Variants in SHROOM3 observed in about 807,000 individuals in gnomAD.
SHROOM3 encodes shroom family member 3, also known as protein Shroom3.
A neutral mutation model predicts 138.6 loss-of-function variants in SHROOM3; 47 were observed. That is an observed-to-expected ratio of 0.34 (90% CI 0.27 to 0.43). SHROOM3 has a LOEUF of 0.43. SHROOM3 is among the 20% of genes least tolerant of loss of function. The probability of loss-of-function intolerance (pLI) is 1.00; values close to 1 mark genes in which losing one functional copy is unlikely to be tolerated. For synonymous variants in SHROOM3, 1,062 were observed against 1,063.3 expected (o/e 1.00, Z 0.02); for missense variants, 2,491 against 2,596.5 (o/e 0.96, Z 0.88).
rs191447614 is a variant in SHROOM3, at chr4:76,743,215, A to C, written c.3753+1289A>C. 1.7e-3 allele frequency among the ~76,000 whole-genome samples: 259 copies of C among 152,354 alleles called. 2 individuals are homozygous for C. Among genetic ancestry groups the C allele is most frequent in the Non-Finnish European group, 2.0e-3 (135 of 68,034 alleles). On this transcript the variant is annotated intron_variant, in intron 5 of 10. Coordinates refer to ENST00000296043, the MANE Select transcript of SHROOM3 (RefSeq NM_020859.4). ...GGGGATGCATTGATGGGAAGAAACC[A>C]GTTCAGACAAAGAAAGATTCAGCAG... is the stretch of plus-strand genomic sequence containing the variant.
At chr4:76,687,684 T>C (rs187060283) in intron 2 of SHROOM3, among the ~76,000 whole-genome samples, 29 of 152,336 alleles carry the variant, frequency 1.9e-4, no homozygotes, top group African/African-American at 6.3e-4. Flanking sequence ...AAGTTAAAAG[T>C]GTTTTTCCAG....
intron 2 of SHROOM3, among the ~76,000 whole-genome samples, chr4:76,680,654 C>T (rs962019725): frequency 6.6e-6 from 1 of 152,144 alleles, no homozygotes; most frequent in South Asian, 2.1e-4. Context: ...ATCCTAAGTG[C>T]TTCATATAAA....
chr4:76,449,534 G>A (rs1298563511), intron 1 of SHROOM3, among the ~76,000 whole-genome samples: 2 of 152,134 alleles, frequency 1.3e-5, no homozygotes, highest in Non-Finnish European at 2.9e-5. Context: ...CACACAAGAA[G>A]CTTCTTTTCT....
chr4:76,740,201 C>T lies in SHROOM3; in HGVS notation c.2028C>T (p.Ser676=), dbSNP rs1308064385. The change falls in exon 5 of 11, where the codon AGC becomes AGT. Residue 676 remains serine (S), a synonymous_variant. Coordinates refer to ENST00000296043, the MANE Select transcript of SHROOM3 (RefSeq NM_020859.4). This position sits in a 1 kb window ranked among gnomAD's most constrained non-coding sequence, Gnocchi z 4.0. ...TTCCTGAGAGTCTGAGAAGACACAG[C>T]AGCCTGGAGCTAGGCCGGGGAACCC... ...QNIPESLRRH[S]SLELGRGTQE... 6.2e-7 allele frequency: 1 copy of T among 1,613,728 alleles called. No homozygotes were observed. The highest frequency in any genetic ancestry group is 1.7e-5 in the Admixed American group (1 of 60,036).
intron 2 of SHROOM3, among the ~76,000 whole-genome samples, chr4:76,646,123 G>A (rs1166504485): frequency 1.3e-5 from 2 of 151,064 alleles, no homozygotes; most frequent in African/African-American, 4.9e-5. Context: ...TAATGTAAAC[G>A]ATGAGTTAAC....
At chr4:76,766,390 A>T (rs1452273717) in intron 9 of SHROOM3, among the ~76,000 whole-genome samples, 1 of 152,176 alleles carries the variant, frequency 6.6e-6, no homozygotes. Flanking sequence ...ATCCTGCTGT[A>T]GGCAGGAAGT....
intron 1 of SHROOM3, among the ~76,000 whole-genome samples, chr4:76,459,438 C>T (rs541387330): frequency 6.6e-6 from 1 of 152,302 alleles, no homozygotes; most frequent in Non-Finnish European, 1.5e-5. Context: ...GATTCTTCCG[C>T]TTGCCAAAGT....
chr4:76,455,996 C>T (rs1231909015), intron 1 of SHROOM3, among the ~76,000 whole-genome samples: 1 of 151,944 alleles, frequency 6.6e-6, no homozygotes, highest in Non-Finnish European at 1.5e-5. Context: ...TCCTTTTGTA[C>T]ACTTTACTTT....
In SHROOM3 at chr4:76,739,332, G is replaced by C; in HGVS notation, c.1159G>C (p.Ala387Pro). Residue 387 changes from alanine (A) to proline (P), a missense_variant, in exon 5 of 11, where the codon GCT becomes CCT. By Grantham distance (27) the Ala-to-Pro change is conservative. This residue lies in a region of SHROOM3 where 1,733 missense variants were observed against 1,661.6 expected (regional missense o/e 1.04). Coordinates refer to ENST00000296043, the MANE Select transcript of SHROOM3 (RefSeq NM_020859.4). ...TAAGGTGGGTGCACCCCTGCCTCCA[G>C]CTCGGAGTGACAGTTACGCAGCATT... ...PPKVGAPLPP[A>P]RSDSYAAFRH... The C allele has an allele frequency of 6.2e-7, 1 of 1,613,978 alleles. No individual in the cohort carries two copies. Among genetic ancestry groups the C allele is most frequent in the East Asian group, 2.2e-5 (1 of 44,866 alleles).
chr4:76,620,033 A>G (rs1458844893), intron 2 of SHROOM3, among the ~76,000 whole-genome samples: 1 of 145,638 alleles, frequency 6.9e-6, no homozygotes, highest in Non-Finnish European at 1.5e-5. Context: ...ATGATGCCAC[A>G]GCACTCCAGC....
chr4:76,754,401 C>T lies in SHROOM3; in HGVS notation c.3918C>T (p.Ala1306=), dbSNP rs1721732953. ...GTTGGGGTGGTTCAGGCTGCAAAGC[C>T]ATTGGTGATTCCTCCGTTCCTAGTG... ...TPRWGGSGCK[A]IGDSSVPSEC... The change falls in exon 7 of 11, where the codon GCC becomes GCT. Residue 1306 remains alanine (A), a synonymous_variant. Transcript: ENST00000296043. 6.2e-7 allele frequency: 1 copy of T among 1,614,044 alleles called. No homozygotes were observed. The highest frequency in any genetic ancestry group is 1.3e-5 in the African/African-American group (1 of 74,908).
intron 2 of SHROOM3, chr4:76,688,642 T>C (rs1053265229): frequency 6.1e-6 from 6 of 985,304 alleles, no homozygotes; most frequent in Non-Finnish European, 7.2e-6. Context: ...TGAAGAAAGA[T>C]GAAACTTAAA....
intron 2 of SHROOM3, among the ~76,000 whole-genome samples, chr4:76,655,873 G>A (rs1324628929): frequency 1.3e-5 from 2 of 152,136 alleles, no homozygotes; most frequent in Non-Finnish European, 2.9e-5. Context: ...AGTCAGTTCT[G>A]GACCTGGATG....
At chr4:76,746,790 T>C (rs1358391389) in intron 5 of SHROOM3, among the ~76,000 whole-genome samples, 33 of 62,974 alleles carry the variant, frequency 5.2e-4, no homozygotes, top group Admixed American at 2.3e-3. Flanking sequence ...ACATTATTAT[T>C]ATTATTATTA....
chr4:76,758,033 G>A (rs555089527), intron 8 of SHROOM3: 2 of 152,354 alleles, frequency 1.3e-5, no homozygotes, highest in East Asian at 3.9e-4. Flanking sequence ...AAAGGAAAGA[G>A]CTATGTGATA....
chr4:76,709,874 C>A, intron 2 of SHROOM3: 1 of 377,970 alleles, frequency 2.6e-6, no homozygotes, highest in South Asian at 2.6e-5. Context: ...AACTTTCTTC[C>A]TTTTTGCTTA....
intron 1 of SHROOM3, among the ~76,000 whole-genome samples, chr4:76,463,001 T>C (rs1731173619): frequency 6.6e-6 from 1 of 152,174 alleles, no homozygotes; most frequent in Non-Finnish European, 1.5e-5. Context: ...TAAAGATGCC[T>C]GAAAGTGTGG....
chr4:76,451,730 G>A (rs111421771), intron 1 of SHROOM3, among the ~76,000 whole-genome samples: 1 of 152,194 alleles, frequency 6.6e-6, no homozygotes, highest in African/African-American at 2.4e-5. Context: ...AATAAAGTGA[G>A]AGACAGGAAG....
At chr4:76,609,891 A>G (rs149606347) in intron 2 of SHROOM3, among the ~76,000 whole-genome samples, 4 of 152,320 alleles carry the variant, frequency 2.6e-5, no homozygotes, top group Non-Finnish European at 4.4e-5. Flanking sequence ...ACATCTTATT[A>G]GGCTCGAGTT....
Sources: gnomAD v4.1 joint callset for allele counts (sites outside exome capture counted in the v4.1 genomes callset) on GRCh38, gnomAD v4.1.1 for gene constraint, gnomAD v4.1.1 regional missense constraint, Gnocchi (gnomAD v3.1) non-coding constraint, MANE v1.5 for transcripts, NCBI Gene and HGNC (gene_info 2026-07-23, HGNC 2026-07-21) for gene names.